The following CDC42BPB variants were observed in gnomAD, a reference collection of about 807,000 sequenced individuals.
CDC42BPB encodes the protein CDC42 binding protein kinase beta.
CDC42BPB carries 37 observed loss-of-function variants against 214.9 expected under a neutral mutation model. The observed-to-expected ratio is 0.17, with a 90% CI of 0.13 to 0.23. CDC42BPB has a LOEUF of 0.23. CDC42BPB is among the 10% of genes least tolerant of loss of function. CDC42BPB has a pLI of 1.00. For synonymous variants in CDC42BPB, 931 were observed against 884.0 expected, an observed-to-expected ratio of 1.05 and a Z score of -0.94; for missense variants, 1,694 against 2,227.0, an observed-to-expected ratio of 0.76 and a Z score of 4.82.
chr14:102,968,700 C>T lies in CDC42BPB; in HGVS notation c.2012G>A (p.Arg671Gln), dbSNP rs55948035. The change falls in exon 15 of 37, where the codon CGG (arginine) becomes CAG (glutamine). Residue 671 changes from arginine (R) to glutamine (Q), a missense_variant. Around this residue, in one of 7 missense-constraint regions of CDC42BPB, gnomAD observed 462 missense variants for 513.5 expected, o/e 0.90. Coordinates refer to ENST00000361246, the MANE Select transcript of CDC42BPB (RefSeq NM_006035.4). ...LEALKVKQGG[R>Q]GAGATLEHQQ... is the part of the protein sequence containing the mutation. ...GTGCTCTAAGGTGGCACCCGCTCCCCGGCCTCCTTGCTTCACCTGAAGACA... is the reference window on the plus strand; with the variant it reads ...GTGCTCTAAGGTGGCACCCGCTCCCTGGCCTCCTTGCTTCACCTGAAGACA... 443 of 1,613,958 alleles carry T rather than the reference C, an allele frequency of 2.7e-4. No homozygotes were observed. In the East Asian group the frequency reaches 7.2e-3, roughly 26 times the overall value.
chr14:102,950,357 AG>A (rs1025216958), intron 25 of CDC42BPB, 108 bp downstream of exon 25: 18 of 1,419,056 alleles, frequency 1.3e-5, no homozygotes, highest in Admixed American at 1.1e-4. Context: ...GACTGGCACC[AG>A]GGCCACCTGC....
At chr14:103,002,500 C>G (rs776667504) in intron 4 of CDC42BPB, among the ~76,000 whole-genome samples, 1 of 152,238 alleles carries the variant, frequency 6.6e-6, no homozygotes, top group Non-Finnish European at 1.5e-5. Flanking sequence ...TTCCTTTGTA[C>G]AGATCCCAGT....
chr14:103,029,352 T>TA (rs1887220864), intron 1 of CDC42BPB, among the ~76,000 whole-genome samples: 1 of 150,906 alleles, frequency 6.6e-6, no homozygotes, highest in Admixed American at 6.6e-5. Context: ...CCATCCTGGC[T>TA]AACACGGTGA....
In CDC42BPB at chr14:102,950,431, C is replaced by A. The variant is rs150990606; in HGVS notation, c.3309+35G>T. The A allele has an allele frequency of 3.5e-3, 5,703 of 1,609,668 alleles. 8 individuals carry two copies. Among genetic ancestry groups the A allele is most frequent in the Non-Finnish European group, 4.4e-3 (5,135 of 1,178,780 alleles). ...GCTATTGGTCACTGCACCTCACAGG[C>A]ACCGAGGGCTGAGGGCGGAGATGAA... On this transcript the variant is annotated intron_variant, in intron 25 of 36. Transcript: ENST00000361246.
chr14:103,046,653 GAAC>G (rs914694161), intron 1 of CDC42BPB, among the ~76,000 whole-genome samples: 2 of 152,100 alleles, frequency 1.3e-5, no homozygotes, highest in Admixed American at 6.5e-5. Flanking sequence ...GGAATACTGA[GAAC>G]AACAACACTT....
chr14:102,975,587 T>C (rs1214676893), intron 11 of CDC42BPB, 97 bp downstream of exon 11: 1 of 1,289,008 alleles, frequency 7.8e-7, no homozygotes, highest in African/African-American at 1.5e-5. Flanking sequence ...AAGCTTTTTT[T>C]CTGCTTTCCC....
At chr14:102,990,854 G>A (rs192347191) in intron 5 of CDC42BPB, among the ~76,000 whole-genome samples, 63 of 152,246 alleles carry the variant, frequency 4.1e-4, no homozygotes, top group Non-Finnish European at 4.3e-4. Flanking sequence ...CTAAGATAGT[G>A]AATTAAAAAC....
chr14:102,936,999 C>T (rs1304439721), intron 36 of CDC42BPB: 2 of 152,160 alleles, frequency 1.3e-5, no homozygotes, highest in African/African-American at 4.8e-5. Flanking sequence ...CAAAGTGAGA[C>T]CCTGCCTCTA....
chr14:102,939,326 G>A (rs1034918175), intron 34 of CDC42BPB, among the ~76,000 whole-genome samples: 2 of 152,226 alleles, frequency 1.3e-5, no homozygotes, highest in East Asian at 1.9e-4. Flanking sequence ...CATGGCAAAC[G>A]TCCTTAGGAA....
chr14:102,957,631 TAAAAC>T (rs962979451), intron 21 of CDC42BPB, among the ~76,000 whole-genome samples: 8 of 152,240 alleles, frequency 5.3e-5, no homozygotes, highest in African/African-American at 1.4e-4. Context: ...GCCAGTTTGA[TAAAAC>T]AAACAAACAT....
intron 1 of CDC42BPB, among the ~76,000 whole-genome samples, chr14:103,032,538 A>AC (rs1319913682): frequency 0.01 from 1,492 of 142,848 alleles, 25 homozygotes; most frequent in African/African-American, 0.037. Flanking sequence ...TAAACTGCAA[A>AC]AAAAAAAAAA....
At chr14:102,959,434 A>T (rs892335388) in intron 21 of CDC42BPB, among the ~76,000 whole-genome samples, 197 bp downstream of exon 21, 1 of 152,144 alleles carries the variant, frequency 6.6e-6, no homozygotes, top group Admixed American at 6.5e-5. Flanking sequence ...CAAATACCCT[A>T]AATGTCTGTC....
rs761503131 is a variant in CDC42BPB, at chr14:103,013,757, G to A, written c.176-1569C>T. Among the ~76,000 whole-genome samples the A allele has an allele frequency of 1.5e-4, 23 of 152,218 alleles. 1 individual carries two copies. Among genetic ancestry groups the A allele is most frequent in the Admixed American group, 2.6e-4 (4 of 15,292 alleles). ...AAGCTGAGCGTTCCCCGGAGCCTGC[G>A]AGGGACATGGCCTGGCTGACGCCCT... On this transcript the variant is annotated intron_variant, in intron 1 of 36. Transcript: ENST00000361246.
intron 5 of CDC42BPB, among the ~76,000 whole-genome samples, chr14:102,994,923 C>G (rs1001984807): frequency 6.6e-6 from 1 of 152,226 alleles, no homozygotes. Context: ...CAGTCCACCA[C>G]CTGGGGTGTG....
At chr14:102,963,313 T>C (rs1893041663) in intron 19 of CDC42BPB, 158 bp from the exon 20 acceptor site, 2 of 981,820 alleles carry the variant, frequency 2.0e-6, no homozygotes, top group Middle Eastern at 5.2e-4. Flanking sequence ...GCAAACACCA[T>C]GAACAGTACG....
In CDC42BPB at chr14:102,932,471, T is replaced by G. The variant is rs1891418375; in HGVS notation, c.*1241A>C. 1 of 152,404 alleles carries G rather than the reference T, an allele frequency of 6.6e-6. No individual in the cohort carries two copies. The highest frequency in any genetic ancestry group is 2.4e-5 in the African/African-American group (1 of 41,444). The allele number at this position is 152,404 out of a possible 1,614,324, so 9.4% of individuals were successfully genotyped here. ...ATAATTAATTACAAAGACTGAGACT[T>G]ACATTAAAAAAGTAAAAACCAGAAC... On this transcript the variant is annotated 3_prime_UTR_variant, in exon 37 of 37. Transcript: ENST00000361246.
chr14:102,992,005 G>A (rs1894514889), intron 5 of CDC42BPB, among the ~76,000 whole-genome samples: 2 of 152,120 alleles, frequency 1.3e-5, no homozygotes, highest in African/African-American at 4.8e-5. Context: ...CACCAGCCAC[G>A]TTTTGAGTGC....
At chr14:102,986,954 A>C (rs1894272359) in intron 5 of CDC42BPB, among the ~76,000 whole-genome samples, 1 of 152,176 alleles carries the variant, frequency 6.6e-6, no homozygotes, top group Admixed American at 6.5e-5. Flanking sequence ...GAGGTCTTGC[A>C]AACACAAATA....
chr14:102,947,308 AACTCAGTGAGGGAGCACTC>A (rs1313004302), intron 27 of CDC42BPB, among the ~76,000 whole-genome samples: 1 of 152,166 alleles, frequency 6.6e-6, no homozygotes, highest in Non-Finnish European at 1.5e-5. Flanking sequence ...GTCTAACACT[AACTCAGTGAGGGAGCACTC>A]ACTCAGTCAA....
Sources: allele counts gnomAD v4.1 joint callset (sites outside exome capture counted in the v4.1 genomes callset), GRCh38; gene constraint gnomAD v4.1.1; regional missense constraint gnomAD v4.1.1; transcripts MANE v1.5; gene names NCBI Gene and HGNC (gene_info 2026-07-23, HGNC 2026-07-21).